CDH13: variants seen among roughly 807,000 people sequenced by gnomAD.
CDH13 encodes the protein cadherin 13, also known as cadherin-13.
A neutral mutation model predicts 63.8 loss-of-function variants in CDH13; 24 were observed. The observed-to-expected ratio is 0.38, with a 90% CI of 0.27 to 0.53. The LOEUF is 0.53. Among genes scored for constraint, CDH13 ranks in the 20% least tolerant of loss-of-function variants. CDH13 has a pLI of 0.85. For missense variants in CDH13, 1,049 were observed against 903.1 expected (o/e 1.16, Z -2.07); for synonymous variants, 503 against 355.3 (o/e 1.42, Z -4.67).
chr16:83,413,463 C>T (rs998163591), intron 6 of CDH13, among the ~76,000 whole-genome samples: 7 of 152,314 alleles, frequency 4.6e-5, no homozygotes, highest in Non-Finnish European at 1.0e-4. Context: ...CTAATCATCC[C>T]TTTGCTGAGC....
chr16:82,811,837 C>T (rs940177694), intron 1 of CDH13, among the ~76,000 whole-genome samples: 1 of 152,092 alleles, frequency 6.6e-6, no homozygotes, highest in African/African-American at 2.4e-5. Context: ...TGGCTTACAC[C>T]ACTCAACTTA....
chr16:83,581,398 C>G (rs1417521000), intron 7 of CDH13, among the ~76,000 whole-genome samples: 1 of 152,204 alleles, frequency 6.6e-6, no homozygotes, highest in Non-Finnish European at 1.5e-5. Flanking sequence ...CCCACATGCT[C>G]CTGCCTCAAG....
intron 3 of CDH13, among the ~76,000 whole-genome samples, chr16:83,063,882 A>G (rs1403094234): frequency 1.3e-5 from 2 of 152,132 alleles, no homozygotes; most frequent in African/African-American, 2.4e-5. Flanking sequence ...ATTGTGTAAC[A>G]TTTTTGCAGG....
At chr16:83,167,200 T>TAA (rs144069013) in intron 4 of CDH13, among the ~76,000 whole-genome samples, 2 of 139,756 alleles carry the variant, frequency 1.4e-5, no homozygotes, top group African/African-American at 2.7e-5. Flanking sequence ...AATGTAGTAT[T>TAA]AAAAAAAAAA....
chr16:83,176,397 C>T (rs1279137117), intron 4 of CDH13, among the ~76,000 whole-genome samples: 2 of 151,020 alleles, frequency 1.3e-5, no homozygotes, highest in African/African-American at 2.4e-5. Flanking sequence ...GTAATCCCAG[C>T]TACTCAGGAG....
intron 1 of CDH13, among the ~76,000 whole-genome samples, chr16:82,799,969 C>G (rs534930827): frequency 7.2e-5 from 11 of 152,134 alleles, no homozygotes; most frequent in Admixed American, 1.3e-4. Context: ...TAAGCTGGTA[C>G]AAGCAGAGAG....
At chr16:82,999,340 G>A (rs569368938) in intron 2 of CDH13, among the ~76,000 whole-genome samples, 45 of 152,210 alleles carry the variant, frequency 3.0e-4, no homozygotes, top group Non-Finnish European at 5.4e-4. Context: ...AAATTTTACC[G>A]AAATGTTGTA....
chr16:82,636,517 G>A (rs966132482), intron 1 of CDH13, among the ~76,000 whole-genome samples: 3 of 152,272 alleles, frequency 2.0e-5, no homozygotes, highest in Non-Finnish European at 2.9e-5. Context: ...CCCTTTAATC[G>A]TTTCTTGAAC....
At chr16:83,343,962 C>T (rs548790582) in intron 5 of CDH13, among the ~76,000 whole-genome samples, 4 of 152,036 alleles carry the variant, frequency 2.6e-5, no homozygotes, top group Non-Finnish European at 5.9e-5. Context: ...TTTTGTTAAC[C>T]CCACTTACAG....
In CDH13 at chr16:82,763,346, C is replaced by G. The variant is rs374660513; in HGVS notation, c.46-95016C>G. Among the ~76,000 whole-genome samples the G allele has an allele frequency of 1.2e-4, 18 of 152,264 alleles. No homozygotes were observed. In the South Asian group the frequency reaches 3.7e-3, roughly 32 times the overall value. On this transcript the variant is annotated intron_variant, in intron 1 of 13. Coordinates refer to ENST00000567109, the MANE Select transcript of CDH13 (RefSeq NM_001257.5). Reference sequence around the variant, plus strand: ...GACACAGTAAATCATTTATAAGTTGCTTATTTTCCACCTCCTCCTCTGGAA... The same window carrying G: ...GACACAGTAAATCATTTATAAGTTGGTTATTTTCCACCTCCTCCTCTGGAA...
intron 5 of CDH13, among the ~76,000 whole-genome samples, chr16:83,324,514 A>G (rs755462167): frequency 6.6e-6 from 1 of 152,224 alleles, no homozygotes. Flanking sequence ...TTGCCCTTCC[A>G]TGAGTAGCTT....
At position 82,676,555 on chromosome 16, in the gene CDH13, C is replaced by G. The variant is rs189624621; in HGVS notation, c.45+49418C>G. Among the ~76,000 whole-genome samples, 8 of 139,378 alleles carry G rather than the reference C, an allele frequency of 5.7e-5. No homozygotes were observed. In the South Asian group the frequency reaches 1.2e-3, roughly 21 times the overall value. 91.4% of individuals were successfully genotyped at this position (139,378 alleles called of 152,430 possible). Reference sequence around the variant, plus strand: ...CCCAGATGGTCATACCACAATCACTCTTACCTTCTTCCAATCTTTCTCTTC... The same window carrying G: ...CCCAGATGGTCATACCACAATCACTGTTACCTTCTTCCAATCTTTCTCTTC... On this transcript the variant is annotated intron_variant, in intron 1 of 13. Transcript: ENST00000567109.
intron 2 of CDH13, among the ~76,000 whole-genome samples, chr16:82,929,102 A>G (rs909953918): frequency 6.6e-6 from 1 of 152,208 alleles, no homozygotes; most frequent in Non-Finnish European, 1.5e-5. Context: ...CCTTTAAAAA[A>G]TATGCTATCA....
At chr16:82,913,800 G>A (rs1282582988) in intron 2 of CDH13, among the ~76,000 whole-genome samples, 6 of 151,928 alleles carry the variant, frequency 3.9e-5, no homozygotes, top group Non-Finnish European at 7.4e-5. Context: ...AGGAGTGGGG[G>A]ATTGAGACAG....
chr16:83,316,807 C>T (rs115860856), intron 5 of CDH13, among the ~76,000 whole-genome samples: 94 of 152,310 alleles, frequency 6.2e-4, no homozygotes, highest in African/African-American at 2.2e-3. Flanking sequence ...TTCAAAATCA[C>T]ACTGGCCTAA....
At chr16:82,691,107 G>A (rs750875704) in intron 1 of CDH13, among the ~76,000 whole-genome samples, 4 of 152,172 alleles carry the variant, frequency 2.6e-5, no homozygotes, top group East Asian at 1.9e-4. Context: ...TGTACCAGGC[G>A]CTGCACTGGA....
chr16:83,297,220 G>C (rs2089623254), intron 5 of CDH13, among the ~76,000 whole-genome samples: 1 of 152,100 alleles, frequency 6.6e-6, no homozygotes, highest in Non-Finnish European at 1.5e-5. Flanking sequence ...ATAGCTAGAA[G>C]GGAGGATTTT....
chr16:82,759,197 C>T lies in CDH13; in HGVS notation c.46-99165C>T, dbSNP rs1406701346. The stretch of plus-strand genomic sequence containing the variant: ...CACACAGCTCCTTAGAGTGTCCCCA[C>T]TGGGAGTGAGCAGAAACCTGATTTT... On this transcript the variant is annotated intron_variant, in intron 1 of 13. Coordinates refer to ENST00000567109, the MANE Select transcript of CDH13 (RefSeq NM_001257.5). 2.0e-5 allele frequency among the ~76,000 whole-genome samples: 3 copies of T among 152,306 alleles called. No individual in the cohort carries two copies. The South Asian group carries it at 6.2e-4, about 32-fold the overall frequency.
intron 1 of CDH13, among the ~76,000 whole-genome samples, chr16:82,741,201 A>C (rs1305327742): frequency 1.3e-5 from 2 of 152,188 alleles, no homozygotes; most frequent in Non-Finnish European, 2.9e-5. Flanking sequence ...ATATAGCTCA[A>C]ACCCTCGGCT....
Sources: gnomAD v4.1 joint callset for allele counts (sites outside exome capture counted in the v4.1 genomes callset) on GRCh38, gnomAD v4.1.1 for gene constraint, MANE v1.5 for transcripts, NCBI Gene and HGNC (gene_info 2026-07-23, HGNC 2026-07-21) for gene names.